ROCK1: variants seen among roughly 807,000 people sequenced by gnomAD.
ROCK1 encodes rho-associated protein kinase 1.
A neutral mutation model predicts 196.8 loss-of-function variants in ROCK1; 36 were observed. The ratio of observed to expected loss-of-function variants is 0.18; its 90% CI spans 0.14 to 0.24. ROCK1 has a LOEUF of 0.24. ROCK1 is among the 10% of genes least tolerant of loss of function. The pLI, the probability that ROCK1 is intolerant of heterozygous loss-of-function variation, is 1.00. For synonymous variants in ROCK1, 443 were observed against 515.9 expected, an observed-to-expected ratio of 0.86 and a Z score of 1.91; for missense variants, 920 against 1,562.0, an observed-to-expected ratio of 0.59 and a Z score of 6.93.
At chr18:21,022,872 G>GTATA (rs988746070) in intron 11 of ROCK1, among the ~76,000 whole-genome samples, 1 of 151,970 alleles carries the variant, frequency 6.6e-6, no homozygotes, top group Non-Finnish European at 1.5e-5. Flanking sequence ...GTGTGTGTGT[G>GTATA]TATATATATG....
At chr18:21,034,936 A>AT (rs1184216785) in intron 9 of ROCK1, among the ~76,000 whole-genome samples, 1 of 152,192 alleles carries the variant, frequency 6.6e-6, no homozygotes, top group Admixed American at 6.5e-5. Flanking sequence ...CAACAAAAAA[A>AT]CCAAACCACC....
At chr18:20,994,132 A>G (rs2035650255) in intron 16 of ROCK1, among the ~76,000 whole-genome samples, 1 of 152,220 alleles carries the variant, frequency 6.6e-6, no homozygotes, top group Non-Finnish European at 1.5e-5. Flanking sequence ...AATGAAATAA[A>G]TAATTTTATT....
At chr18:21,062,734 A>G (rs2036302337) in intron 2 of ROCK1, among the ~76,000 whole-genome samples, 1 of 152,120 alleles carries the variant, frequency 6.6e-6, no homozygotes. Flanking sequence ...CGTTAACATC[A>G]CCAGTGATGT....
chr18:21,076,544 G>A (rs891433723), intron 1 of ROCK1, among the ~76,000 whole-genome samples: 3 of 151,996 alleles, frequency 2.0e-5, no homozygotes, highest in African/African-American at 4.8e-5. Flanking sequence ...TTTATGATAC[G>A]TTTGTGTGTG....
At chr18:20,958,889 ATATTTATT>A (rs1166147481) in intron 29 of ROCK1, among the ~76,000 whole-genome samples, 1 of 110,768 alleles carries the variant, frequency 9.0e-6, no homozygotes, top group African/African-American at 3.8e-5. Context: ...ATAAATATAT[ATATTTATT>A]TATATATATA....
At chr18:21,026,445 G>GAAAAAAAAAAAAAAA (rs747563785) in intron 10 of ROCK1, among the ~76,000 whole-genome samples, 1 of 35,306 alleles carries the variant, frequency 2.8e-5, no homozygotes, top group Non-Finnish European at 5.9e-5. Flanking sequence ...ACTCTGTCTC[G>GAAAAAAAAAAAAAAA]AAAAAAAAAA....
intron 1 of ROCK1, among the ~76,000 whole-genome samples, chr18:21,086,173 G>A (rs1392316362): frequency 4.7e-5 from 7 of 148,604 alleles, no homozygotes; most frequent in Admixed American, 2.0e-4. Flanking sequence ...GTGCAGTGGC[G>A]CAATCTCGGC....
At chr18:21,008,579 AC>A (rs1320771170) in intron 13 of ROCK1, among the ~76,000 whole-genome samples, 2 of 152,154 alleles carry the variant, frequency 1.3e-5, no homozygotes, top group Non-Finnish European at 2.9e-5. Context: ...AGCCTAAAAT[AC>A]CCAAATTTTC....
intron 22 of ROCK1, among the ~76,000 whole-genome samples, chr18:20,975,042 C>T (rs1262183687): frequency 6.6e-6 from 1 of 152,186 alleles, no homozygotes; most frequent in Non-Finnish European, 1.5e-5. Context: ...AGACATACAG[C>T]AATGAATTGA....
At position 21,033,854 on chromosome 18, in the gene ROCK1, TAAAAAAAAAAAAAAAA is replaced by T. The variant is rs71269004; in HGVS notation, c.1052-4935_1052-4920del. 1.5e-4 allele frequency among the ~76,000 whole-genome samples: 5 copies of T among 33,464 alleles called. 1 individual carries two copies. Among genetic ancestry groups the T allele is most frequent in the Admixed American group, 1.2e-3 (2 of 1,658 alleles). 22.0% of individuals were successfully genotyped at this position (33,464 alleles called of 152,430 possible). The stretch of plus-strand genomic sequence containing the variant: ...TAACTCAGTGAAACCCCGTTTCTAC[TAAAAAAAAAAAAAAAA>T]AAAAAAAAAAAAAATTAGCCGGGTG... On this transcript the variant is annotated intron_variant, in intron 9 of 32. Coordinates refer to ENST00000399799, the MANE Select transcript of ROCK1 (RefSeq NM_005406.3).
At chr18:20,959,178 TA>T (rs1307664393) in intron 29 of ROCK1, among the ~76,000 whole-genome samples, 19 of 64,656 alleles carry the variant, frequency 2.9e-4, no homozygotes, top group African/African-American at 1.2e-3. Flanking sequence ...ATAATATATA[TA>T]ATATTATATA....
intron 6 of ROCK1, 48 bp downstream of exon 6, chr18:21,044,054 C>G (rs1279852160): frequency 9.1e-7 from 1 of 1,093,952 alleles, no homozygotes; most frequent in East Asian, 2.4e-5. Flanking sequence ...TCTAAAGAAG[C>G]ATCTACCTTG....
At chr18:20,977,652 A>T (rs1002631531) in intron 22 of ROCK1, among the ~76,000 whole-genome samples, 3 of 152,202 alleles carry the variant, frequency 2.0e-5, no homozygotes, top group African/African-American at 7.2e-5. Flanking sequence ...GGTGATCCAT[A>T]TATTTGTCTT....
Position 20,949,876 on chromosome 18 carries a change from C to T in ROCK1, c.*1508G>A, listed in dbSNP as rs12372. 82,351 of 142,638 alleles carry T rather than the reference C, an allele frequency of 0.58. 21,681 individuals carry two copies. Among genetic ancestry groups the T allele is most frequent in the African/African-American group, 0.72 (29,477 of 40,896 alleles). The allele number at this position is 142,638 out of a possible 1,614,324, so 8.8% of individuals were successfully genotyped here. On this transcript the variant is annotated 3_prime_UTR_variant, in exon 33 of 33. Transcript: ENST00000399799. ...CACATTGCAGTAAAAATTAAAGATA[C>T]CCATCCATAAATTACTTTTATTTCT... is the stretch of plus-strand genomic sequence containing the variant.
chr18:21,079,540 G>T (rs1231308157), intron 1 of ROCK1, among the ~76,000 whole-genome samples: 5 of 152,192 alleles, frequency 3.3e-5, no homozygotes, highest in Non-Finnish European at 7.3e-5. Context: ...TTCCCATCAG[G>T]CATTTCCTGG....
At chr18:21,055,006 C>T (rs1568396419) in intron 2 of ROCK1, among the ~76,000 whole-genome samples, 1 of 152,148 alleles carries the variant, frequency 6.6e-6, no homozygotes, top group Non-Finnish European at 1.5e-5. Flanking sequence ...TCATACTTTC[C>T]CTCGTTGCAC....
chr18:21,007,121 AAT>A (rs1229614489), intron 14 of ROCK1, among the ~76,000 whole-genome samples: 1 of 152,164 alleles, frequency 6.6e-6, no homozygotes, highest in Non-Finnish European at 1.5e-5. Flanking sequence ...TTGATAATTC[AAT>A]ATCTTAATAA....
intron 27 of ROCK1, among the ~76,000 whole-genome samples, chr18:20,961,824 T>C: frequency 6.7e-6 from 1 of 148,362 alleles, no homozygotes; most frequent in Non-Finnish European, 1.5e-5. Flanking sequence ...TTTCCTTTTT[T>C]TTTTTTTTTT....
Position 20,964,926 on chromosome 18 carries a change from C to T in ROCK1, c.3352+1991G>A, listed in dbSNP as rs556480275. ...CTTTCCTCATTAGCAGTCCCACCAG[C>T]TCACCTTTCAACTCAAATCTTCTAA... On this transcript the variant is annotated intron_variant, in intron 27 of 32. Coordinates refer to ENST00000399799, the MANE Select transcript of ROCK1 (RefSeq NM_005406.3). Among the ~76,000 whole-genome samples the T allele has an allele frequency of 2.1e-4, 32 of 152,278 alleles. No individual in the cohort carries two copies. The East Asian group carries it at 4.2e-3, about 20-fold the overall frequency.
Sources: gnomAD v4.1 joint callset for allele counts (sites outside exome capture counted in the v4.1 genomes callset) on GRCh38, gnomAD v4.1.1 for gene constraint, MANE v1.5 for transcripts, NCBI Gene and HGNC (gene_info 2026-07-23, HGNC 2026-07-21) for gene names.